The following VPS35L variants were observed in gnomAD, a reference collection of about 807,000 sequenced individuals.
VPS35L encodes the protein VPS35 endosomal protein-sorting factor-like.
VPS35L carries 83 observed loss-of-function variants against 133.0 expected under a neutral mutation model. That is an observed-to-expected ratio of 0.62 (90% CI 0.52 to 0.75). The LOEUF is 0.75. Among genes scored for constraint, VPS35L ranks in the 30% least tolerant of loss-of-function variants. VPS35L has a pLI of 0.00. For missense variants in VPS35L, 1,083 were observed against 1,206.8 expected (o/e 0.90, Z 1.52); for synonymous variants, 423 against 449.9 (o/e 0.94, Z 0.76).
At chr16:19,693,867 C>G (rs1975798003) in intron 29 of VPS35L, among the ~76,000 whole-genome samples, 1 of 148,432 alleles carries the variant, frequency 6.7e-6, no homozygotes, top group South Asian at 2.1e-4. Flanking sequence ...GAATTGAAGG[C>G]TGCGGCGGGA....
intron 1 of VPS35L, among the ~76,000 whole-genome samples, chr16:19,558,131 A>T (rs1970919457): frequency 6.6e-6 from 1 of 152,242 alleles, no homozygotes. Flanking sequence ...CTAGAACATA[A>T]TGGTGAGTGC....
intron 25 of VPS35L, among the ~76,000 whole-genome samples, chr16:19,651,731 C>T (rs567040210): frequency 6.6e-6 from 1 of 152,064 alleles, no homozygotes; most frequent in Admixed American, 6.5e-5. Context: ...TTAGGTGTTA[C>T]GTATTTACTT....
At chr16:19,623,762 T>C (rs1364207790) in intron 14 of VPS35L, among the ~76,000 whole-genome samples, 5 of 137,150 alleles carry the variant, frequency 3.6e-5, no homozygotes, top group African/African-American at 1.3e-4. Flanking sequence ...TTTTTACTTA[T>C]TTATTTATTA....
At chr16:19,643,397 C>T (rs1301713003) in intron 22 of VPS35L, among the ~76,000 whole-genome samples, 2 of 152,160 alleles carry the variant, frequency 1.3e-5, no homozygotes, top group Non-Finnish European at 2.9e-5. Context: ...TAGGGCAGCT[C>T]TTCTTTCAAA....
At chr16:19,562,503 A>G (rs1971058078) in intron 1 of VPS35L, among the ~76,000 whole-genome samples, 3 of 152,110 alleles carry the variant, frequency 2.0e-5, no homozygotes, top group African/African-American at 7.2e-5. Flanking sequence ...GAGATGAGAA[A>G]GGGGTCAAAT....
chr16:19,630,919 G>T (rs1973436505), intron 18 of VPS35L, among the ~76,000 whole-genome samples: 1 of 152,080 alleles, frequency 6.6e-6, no homozygotes, highest in Admixed American at 6.5e-5. Flanking sequence ...TGAGGGAGGA[G>T]AATCGCTTCA....
At chr16:19,657,466 T>C (rs16972295) in intron 26 of VPS35L, among the ~76,000 whole-genome samples, 8,873 of 152,252 alleles carry the variant, frequency 0.058, 490 homozygotes, top group African/African-American at 0.14. Context: ...GGTCATCCTG[T>C]ACGATATATT....
intron 20 of VPS35L, among the ~76,000 whole-genome samples, chr16:19,638,940 A>C (rs1393617084): frequency 6.6e-6 from 1 of 152,196 alleles, no homozygotes; most frequent in African/African-American, 2.4e-5. Flanking sequence ...CCCTGTCTCT[A>C]CTAAAAATAC....
chr16:19,610,592 A>C, intron 12 of VPS35L, 177 bp downstream of exon 12: 1 of 448,650 alleles, frequency 2.2e-6, no homozygotes, highest in South Asian at 5.7e-5. Flanking sequence ...TTCTTTTAAA[A>C]ATTAATTTTA....
At chr16:19,616,925 T>C (rs1972914672) in intron 14 of VPS35L, 117 bp downstream of exon 14, 2 of 1,450,606 alleles carry the variant, frequency 1.4e-6, no homozygotes. Flanking sequence ...ATGTTAGTGC[T>C]AGCCAGCCTT....
intron 18 of VPS35L, among the ~76,000 whole-genome samples, chr16:19,632,630 TAA>T (rs1472939156): frequency 6.6e-6 from 1 of 152,218 alleles, no homozygotes; most frequent in Non-Finnish European, 1.5e-5. Flanking sequence ...GTGGGCCTTA[TAA>T]AAACAGGCCC....
chr16:19,691,943 C>T (rs1289057944), intron 29 of VPS35L, among the ~76,000 whole-genome samples: 2 of 151,238 alleles, frequency 1.3e-5, no homozygotes, highest in Admixed American at 1.3e-4. Context: ...GGCATAATCT[C>T]GGCTCACTGC....
intron 1 of VPS35L, among the ~76,000 whole-genome samples, chr16:19,560,242 G>C (rs1177121596): frequency 6.6e-6 from 1 of 152,158 alleles, no homozygotes; most frequent in Non-Finnish European, 1.5e-5. Flanking sequence ...TTATTGGGTT[G>C]ATTAAATGAG....
At chr16:19,567,869 C>T (rs1368742622) in intron 2 of VPS35L, among the ~76,000 whole-genome samples, 1 of 151,640 alleles carries the variant, frequency 6.6e-6, no homozygotes, top group East Asian at 1.9e-4. Flanking sequence ...ACTCAGGAGA[C>T]GGAGGCAGGA....
intron 3 of VPS35L, among the ~76,000 whole-genome samples, chr16:19,571,847 CTTT>C (rs35851684): frequency 1.4e-5 from 2 of 144,516 alleles, no homozygotes; most frequent in Admixed American, 1.4e-4. Context: ...GCCCAGCCAA[CTTT>C]TTTTTTTTTT....
chr16:19,584,207 T>C (rs1971792978), intron 7 of VPS35L, among the ~76,000 whole-genome samples: 1 of 152,246 alleles, frequency 6.6e-6, no homozygotes, highest in Admixed American at 6.5e-5. Context: ...TTCTTTTCTT[T>C]AGATGATAAC....
intron 8 of VPS35L, among the ~76,000 whole-genome samples, chr16:19,593,708 G>A (rs1884887412): frequency 6.6e-6 from 1 of 151,966 alleles, no homozygotes; most frequent in African/African-American, 2.4e-5. Flanking sequence ...TCTGCAGTCA[G>A]GAGTTCAAGA....
chr16:19,565,770 C>A (rs1458472054), intron 2 of VPS35L, among the ~76,000 whole-genome samples: 17 of 152,172 alleles, frequency 1.1e-4, no homozygotes, highest in Admixed American at 9.8e-4. Flanking sequence ...AATGGGATGA[C>A]TTTGTTCCTG....
At chr16:19,579,197 C>G in intron 6 of VPS35L, 69 bp downstream of exon 6, 1 of 1,395,354 alleles carries the variant, frequency 7.2e-7, no homozygotes. Flanking sequence ...GTGAGATCAA[C>G]CTCGGTGGCT....
Sources: gnomAD v4.1 joint callset for allele counts (sites outside exome capture counted in the v4.1 genomes callset) on GRCh38, gnomAD v4.1.1 for gene constraint, MANE v1.5 for transcripts, NCBI Gene and HGNC (gene_info 2026-07-23, HGNC 2026-07-21) for gene names.